ADCY8: variants seen among roughly 807,000 people sequenced by gnomAD.
ADCY8 encodes the protein adenylate cyclase type 8.
Under a neutral mutation model 119.7 loss-of-function variants are expected in ADCY8, and 51 were observed. That is an observed-to-expected ratio of 0.43 (90% CI 0.34 to 0.54). ADCY8 has a LOEUF of 0.54. Among genes scored for constraint, ADCY8 ranks in the 20% least tolerant of loss-of-function variants. ADCY8 has a pLI of 0.03. For missense variants in ADCY8, 1,383 were observed against 1,598.8 expected (o/e 0.87, Z 2.30); for synonymous variants, 665 against 651.0 (o/e 1.02, Z -0.33).
intron 2 of ADCY8, among the ~76,000 whole-genome samples, chr8:130,978,984 C>T (rs900029053): frequency 6.6e-6 from 1 of 152,096 alleles, no homozygotes; most frequent in Non-Finnish European, 1.5e-5. Context: ...CAAGCTGTGC[C>T]TGAAGCCTGC....
At chr8:130,869,528 T>G (rs28443477) in intron 8 of ADCY8, among the ~76,000 whole-genome samples, 1 of 150,574 alleles carries the variant, frequency 6.6e-6, no homozygotes, top group Non-Finnish European at 1.5e-5. Flanking sequence ...GTTTTTTTGT[T>G]TTTTTTTGAG....
At chr8:130,799,924 C>T (rs773809885) in intron 15 of ADCY8, among the ~76,000 whole-genome samples, 3 of 121,792 alleles carry the variant, frequency 2.5e-5, no homozygotes, top group African/African-American at 3.8e-5. Context: ...TGAAGTGCAG[C>T]GTGAGCATTT....
At chr8:130,828,204 C>A (rs962144022) in intron 12 of ADCY8, among the ~76,000 whole-genome samples, 4 of 152,200 alleles carry the variant, frequency 2.6e-5, no homozygotes, top group African/African-American at 4.8e-5. Flanking sequence ...GTCTCCTATC[C>A]TCTCTGTGTA....
chr8:130,941,663 C>G (rs966864342), intron 4 of ADCY8, among the ~76,000 whole-genome samples: 1 of 152,142 alleles, frequency 6.6e-6, no homozygotes, highest in Non-Finnish European at 1.5e-5. Context: ...CCTCCGCCCC[C>G]GTCAGTCTCC....
rs143854980 is a variant in ADCY8 at position 130,989,324 on chromosome 8, G to C, written c.1110+1069C>G. On this transcript the variant is annotated intron_variant, in intron 2 of 17. Transcript: ENST00000286355. ...TCTGTCTCATCCATTAGAGTCACAC[G>C]GACCTGGCTTCACTTACTTCAAAGA... Among the ~76,000 whole-genome samples the C allele has an allele frequency of 8.8e-3, 1,343 of 152,198 alleles. 8 individuals carry two copies. Among genetic ancestry groups the C allele is most frequent in the South Asian group, 0.034 (165 of 4,824 alleles).
At chr8:130,817,643 A>G (rs1441615331) in intron 13 of ADCY8, among the ~76,000 whole-genome samples, 1 of 152,210 alleles carries the variant, frequency 6.6e-6, no homozygotes, top group Admixed American at 6.5e-5. Flanking sequence ...ATTGCAATGA[A>G]TTGAAACACA....
At chr8:130,997,549 G>A (rs1282622127) in intron 1 of ADCY8, among the ~76,000 whole-genome samples, 1 of 152,116 alleles carries the variant, frequency 6.6e-6, no homozygotes, top group African/African-American at 2.4e-5. Flanking sequence ...CAAATCCTGA[G>A]GTCTGGAACC....
intron 7 of ADCY8, among the ~76,000 whole-genome samples, chr8:130,885,658 A>G (rs1818955262): frequency 9.7e-6 from 1 of 103,148 alleles, no homozygotes; most frequent in Admixed American, 1.1e-4. Flanking sequence ...TCTTAGACCA[A>G]AAAACAAAAA....
At chr8:130,907,476 T>C (rs989674680) in intron 6 of ADCY8, among the ~76,000 whole-genome samples, 4 of 152,318 alleles carry the variant, frequency 2.6e-5, no homozygotes, top group Middle Eastern at 3.4e-3. Context: ...GGATACTGAA[T>C]AGAAGACTAG....
intron 5 of ADCY8, 67 bp downstream of exon 5, chr8:130,937,006 G>A: frequency 6.6e-7 from 1 of 1,515,500 alleles, no homozygotes; most frequent in Non-Finnish European, 8.9e-7. Flanking sequence ...ACCACAAAGG[G>A]TAGGTGAAGT....
intron 1 of ADCY8, among the ~76,000 whole-genome samples, chr8:130,997,238 CATATACATATA>C (rs2130754785): frequency 2.0e-5 from 1 of 51,130 alleles, no homozygotes; most frequent in Admixed American, 2.3e-4. Context: ...TATATATATA[CATATACATATA>C]TACATATACA....
intron 13 of ADCY8, among the ~76,000 whole-genome samples, chr8:130,814,632 A>C (rs905883670): frequency 2.6e-5 from 4 of 152,232 alleles, no homozygotes; most frequent in African/African-American, 9.6e-5. Context: ...AGGAGGCCTC[A>C]CAATCATGGT....
At chr8:131,012,947 C>A (rs1429495865) in intron 1 of ADCY8, among the ~76,000 whole-genome samples, 5 of 152,184 alleles carry the variant, frequency 3.3e-5, no homozygotes, top group African/African-American at 1.2e-4. Context: ...GAAGACCTAA[C>A]TTTGAACAAC....
At chr8:130,903,465 T>G (rs1283707464) in intron 7 of ADCY8, among the ~76,000 whole-genome samples, 1 of 27,206 alleles carries the variant, frequency 3.7e-5, no homozygotes. Flanking sequence ...ACATGAGTGG[T>G]TTTTTTTTTT....
At chr8:130,909,987 G>C in intron 5 of ADCY8, 121 bp from the exon 6 acceptor site, 2 of 891,518 alleles carry the variant, frequency 2.2e-6, no homozygotes, top group South Asian at 1.8e-5. Context: ...GCCCAGGCTG[G>C]AGTGCAATGG....
At chr8:131,038,980 T>G (rs866967623) in intron 1 of ADCY8, among the ~76,000 whole-genome samples, 1 of 152,184 alleles carries the variant, frequency 6.6e-6, no homozygotes, top group South Asian at 2.1e-4. Context: ...AACACCCTGC[T>G]GCGACTCTCC....
chr8:130,905,598 A>G (rs1819757018), intron 6 of ADCY8, among the ~76,000 whole-genome samples: 1 of 152,170 alleles, frequency 6.6e-6, no homozygotes, highest in African/African-American at 2.4e-5. Flanking sequence ...TTAAAAATGC[A>G]CTGTAGTGGC....
chr8:131,029,134 C>G (rs942865982), intron 1 of ADCY8, among the ~76,000 whole-genome samples: 2 of 152,200 alleles, frequency 1.3e-5, no homozygotes, highest in African/African-American at 4.8e-5. Context: ...CATAGGAGTT[C>G]AAACCCTATT....
intron 12 of ADCY8, among the ~76,000 whole-genome samples, chr8:130,827,162 T>G (rs1816694608): frequency 6.6e-6 from 1 of 152,234 alleles, no homozygotes; most frequent in Non-Finnish European, 1.5e-5. Context: ...AGAAGAAATT[T>G]CTTAGGTAGA....
Sources: allele counts gnomAD v4.1 joint callset (sites outside exome capture counted in the v4.1 genomes callset), GRCh38; gene constraint gnomAD v4.1.1; transcripts MANE v1.5; gene names NCBI Gene and HGNC (gene_info 2026-07-23, HGNC 2026-07-21).